Variants in LPP observed in about 807,000 individuals in gnomAD.
LPP encodes LIM domain containing preferred translocation partner in lipoma, also known as lipoma-preferred partner.
A neutral mutation model predicts 60.4 loss-of-function variants in LPP; 38 were observed. The observed-to-expected ratio is 0.63, with a 90% CI of 0.49 to 0.83. LPP has a LOEUF of 0.83. LPP is among the 40% of genes least tolerant of loss of function. The pLI is 0.00. For synonymous variants in LPP, 328 were observed against 290.8 expected, an observed-to-expected ratio of 1.13 and a Z score of -1.30; for missense variants, 902 against 783.6, an observed-to-expected ratio of 1.15 and a Z score of -1.80.
Position 188,876,135 on chromosome 3 carries a change from T to C in LPP, c.*1656T>C. On this transcript the variant is annotated 3_prime_UTR_variant, in exon 12 of 12. Transcript: ENST00000617246. ...TGAAGTGATGTTCAGATTTCTAGTT[T>C]TTTTTCTAGTTTTTAATTTTAACAT... The C allele has an allele frequency of 5.3e-6, 1 of 188,750 alleles. No homozygotes were observed. The highest frequency in any genetic ancestry group is 1.1e-5 in the Non-Finnish European group (1 of 89,498). 11.7% of individuals were successfully genotyped at this position (188,750 alleles called of 1,614,324 possible). A position where few individuals can be genotyped will look rare whatever the true frequency, so the allele number is the denominator to read the frequency against.
At chr3:188,403,239 T>G (rs767980568) in intron 3 of LPP, among the ~76,000 whole-genome samples, 8 of 152,172 alleles carry the variant, frequency 5.3e-5, no homozygotes, top group Admixed American at 3.9e-4. Context: ...TACATTTTAT[T>G]TATACTCTCC....
At position 188,639,964 on chromosome 3, in the gene LPP, A is replaced by T. The variant is rs1202366236; in HGVS notation, c.1113+30120A>T. 2.4e-4 allele frequency among the ~76,000 whole-genome samples: 36 copies of T among 152,156 alleles called. 1 individual carries two copies. The South Asian group carries it at 6.1e-3, about 26-fold the overall frequency. ...CCATTGTGGAAGTCAGTGTGGCAAT[A>T]CCTCAGGGATCTAGAACTAGAAATA... On this transcript the variant is annotated intron_variant, in intron 7 of 11. Transcript: ENST00000617246.
At chr3:188,526,734 A>G (rs1176577512) in intron 6 of LPP, among the ~76,000 whole-genome samples, 1 of 152,178 alleles carries the variant, frequency 6.6e-6, no homozygotes, top group East Asian at 1.9e-4. Context: ...TGTGAGCAGT[A>G]AAAATATACT....
chr3:188,766,856 G>A (rs1192703580), intron 9 of LPP, among the ~76,000 whole-genome samples: 2 of 152,032 alleles, frequency 1.3e-5, no homozygotes, highest in Non-Finnish European at 2.9e-5. Context: ...GTTTACCTGT[G>A]GGTATGGAAG....
intron 2 of LPP, among the ~76,000 whole-genome samples, chr3:188,244,130 C>G (rs1726014568): frequency 6.6e-6 from 1 of 152,134 alleles, no homozygotes; most frequent in Non-Finnish European, 1.5e-5. Flanking sequence ...CTCGGCCTGC[C>G]AAAGTTCTGG....
intron 6 of LPP, chr3:188,569,237 T>G (rs752422100): frequency 2.6e-5 from 4 of 151,882 alleles, no homozygotes; most frequent in Admixed American, 6.6e-5. Context: ...GCAATGACTT[T>G]ATATGTTCTG....
At chr3:188,759,973 G>T in intron 8 of LPP, 140 bp from the exon 9 acceptor site, 1 of 665,670 alleles carries the variant, frequency 1.5e-6, no homozygotes. Context: ...GGGGTAATGG[G>T]GTAATAGTAC....
Position 188,154,206 on chromosome 3 carries a change from G to GCCGCCGCCGCCA in LPP, c.-228_-227insGCCACCGCCGCC, listed in dbSNP as rs1553796038. The GCCGCCGCCGCCA allele has an allele frequency of 2.2e-5, 5 of 222,808 alleles. No homozygotes were observed. Among genetic ancestry groups the GCCGCCGCCGCCA allele is most frequent in the East Asian group, 1.6e-4 (1 of 6,364 alleles). 13.8% of individuals were successfully genotyped at this position (222,808 alleles called of 1,614,324 possible). A position where few individuals can be genotyped will look rare whatever the true frequency, so the allele number is the denominator to read the frequency against. ...GCCTCCAGCCGCCGCCGCCGCCGCC[G>GCCGCCGCCGCCA]CCGCCGCCACCACCACCGCCGCTGC... On this transcript the variant is annotated 5_prime_UTR_variant, in exon 1 of 12. Transcript: ENST00000617246.
rs556084262 is a variant in LPP, at chr3:188,603,440, C to G, written c.430-5721C>G. Among the ~76,000 whole-genome samples, 11 of 151,930 alleles carry G rather than the reference C, an allele frequency of 7.2e-5. No individual in the cohort carries two copies. In the South Asian group the frequency reaches 1.9e-3, roughly 26 times the overall value. On this transcript the variant is annotated intron_variant, in intron 6 of 11. Coordinates refer to ENST00000617246, the MANE Select transcript of LPP (RefSeq NM_001375462.1). ...GTTTTTAAAACCCCAAACTATGCAG[C>G]CAGATGACCCAGGCTTGAACCTTCG... is the stretch of plus-strand genomic sequence containing the variant.
At chr3:188,764,790 C>A (rs1733487487) in intron 9 of LPP, among the ~76,000 whole-genome samples, 1 of 152,166 alleles carries the variant, frequency 6.6e-6, no homozygotes, top group East Asian at 1.9e-4. Flanking sequence ...AAGGATCCTC[C>A]CCCAAACCAG....
rs534393899 is a variant in LPP at position 188,240,376 on chromosome 3, T to TGTGTGTGA, written c.-67+14850_-67+14851insTGTGTGAG. Among the ~76,000 whole-genome samples the TGTGTGTGA allele has an allele frequency of 2.2e-4, 31 of 143,324 alleles. 1 individual carries two copies. The highest frequency in any genetic ancestry group is 6.8e-4 in the South Asian group (3 of 4,402). The allele number at this position is 143,324 out of a possible 152,430, so 94.0% of individuals were successfully genotyped here. On this transcript the variant is annotated intron_variant, in intron 2 of 11. Transcript: ENST00000617246. ...GTGTGTGTGTGTGTGTGTGTGTGTGTGAGAGAGAGACAGAGAGAGAAAGAG... is the reference window on the plus strand; with the variant it reads ...GTGTGTGTGTGTGTGTGTGTGTGTGTGTGTGTGAGAGAGAGAGACAGAGAGAGAAAGAG...
chr3:188,742,506 A>C (rs561116622), intron 8 of LPP, among the ~76,000 whole-genome samples: 3 of 152,246 alleles, frequency 2.0e-5, no homozygotes, highest in African/African-American at 7.2e-5. Flanking sequence ...AAAAAATCTT[A>C]AAAATATGAT....
At chr3:188,426,816 C>T (rs781438258) in intron 4 of LPP, among the ~76,000 whole-genome samples, 8 of 152,116 alleles carry the variant, frequency 5.3e-5, no homozygotes, top group Non-Finnish European at 1.0e-4. Flanking sequence ...AAATATTCCT[C>T]GATCCATTTA....
intron 1 of LPP, among the ~76,000 whole-genome samples, chr3:188,194,494 C>T (rs1216845687): frequency 6.6e-6 from 1 of 152,204 alleles, no homozygotes; most frequent in African/African-American, 2.4e-5. Context: ...CTGTTTACAT[C>T]TCTACTTTGG....
intron 3 of LPP, among the ~76,000 whole-genome samples, chr3:188,381,066 A>G (rs919108989): frequency 7.9e-5 from 12 of 152,104 alleles, no homozygotes; most frequent in African/African-American, 2.9e-4. Context: ...TTTACCTTTT[A>G]TAGGCTCTGG....
chr3:188,402,995 A>T (rs1035765), intron 3 of LPP, among the ~76,000 whole-genome samples: 59,070 of 152,020 alleles, frequency 0.39, 11,832 homozygotes, highest in South Asian at 0.57. Context: ...GTTCAGAATC[A>T]TGAAAACTTA....
intron 7 of LPP, among the ~76,000 whole-genome samples, chr3:188,634,726 A>G (rs962090873): frequency 3.9e-5 from 6 of 152,188 alleles, no homozygotes; most frequent in Admixed American, 1.3e-4. Context: ...GTCTCCCATC[A>G]TCCCCAGATG....
chr3:188,804,084 T>C (rs1316478986), intron 9 of LPP, among the ~76,000 whole-genome samples: 1 of 151,092 alleles, frequency 6.6e-6, no homozygotes, highest in Admixed American at 6.6e-5. Flanking sequence ...TTTAAAAATA[T>C]GCAATTTCAA....
At chr3:188,491,042 G>A (rs1808215714) in intron 5 of LPP, among the ~76,000 whole-genome samples, 1 of 152,034 alleles carries the variant, frequency 6.6e-6, no homozygotes, top group Non-Finnish European at 1.5e-5. Flanking sequence ...TTACAGGCGT[G>A]AGCCACCGCG....
Sources: allele counts gnomAD v4.1 joint callset (sites outside exome capture counted in the v4.1 genomes callset), GRCh38; gene constraint gnomAD v4.1.1; transcripts MANE v1.5; gene names NCBI Gene and HGNC (gene_info 2026-07-23, HGNC 2026-07-21).